The following RUNX1T1 variants were observed in gnomAD, a reference collection of about 807,000 sequenced individuals.
The protein encoded by RUNX1T1 is protein CBFA2T1.
In RUNX1T1, 4 loss-of-function variants were observed where a neutral mutation model predicts 62.8. The observed-to-expected ratio is 0.06, with a 90% confidence interval of 0.03 to 0.15. The LOEUF is 0.15. Ranked by LOEUF, RUNX1T1 falls within the 10% of genes least tolerant of loss-of-function variation. The pLI, the probability that RUNX1T1 is intolerant of heterozygous loss-of-function variation, is 1.00. For missense variants in RUNX1T1, 508 were observed against 754.3 expected (o/e 0.67, Z 3.82); for synonymous variants, 291 against 286.0 (o/e 1.02, Z -0.18).
intron 10 of RUNX1T1, among the ~76,000 whole-genome samples, chr8:91,962,993 A>G (rs2130474202): frequency 6.6e-6 from 1 of 152,350 alleles, no homozygotes; most frequent in Admixed American, 6.5e-5. Context: ...AAACACACAG[A>G]CTAAACCAGG....
In RUNX1T1 at chr8:92,004,996, C is replaced by T; in HGVS notation, c.659+120G>A. 8.3e-6 allele frequency: 7 copies of T among 843,824 alleles called. No individual in the cohort carries two copies. In the South Asian group the frequency reaches 1.3e-4, roughly 16 times the overall value. 52.3% of individuals were successfully genotyped at this position (843,824 alleles called of 1,614,324 possible). ...CAGATTCTCAAGATGGCCACAATGG[C>T]TTATTGCTATTGTGCAAGAATGACA... is the stretch of plus-strand genomic sequence containing the variant. On this transcript the variant is annotated intron_variant, in intron 5 of 10. Coordinates refer to ENST00000396218, the Ensembl canonical transcript of RUNX1T1.
intron 1 of RUNX1T1, 62 bp from the exon 3 acceptor site, chr8:92,017,425 G>A (rs768248599): frequency 3.1e-6 from 5 of 1,612,120 alleles, no homozygotes; most frequent in Non-Finnish European, 4.2e-6. Context: ...TTTCAAGTGG[G>A]GTTTATCTTT....
chr8:92,001,728 A>G (rs1307465678), intron 5 of RUNX1T1, among the ~76,000 whole-genome samples: 2 of 152,268 alleles, frequency 1.3e-5, no homozygotes, highest in Non-Finnish European at 2.9e-5. Flanking sequence ...CCTAAACCAG[A>G]AAAGTAGCAT....
At chr8:92,013,581 G>A (rs1046778767) in intron 3 of RUNX1T1, among the ~76,000 whole-genome samples, 9 of 152,122 alleles carry the variant, frequency 5.9e-5, no homozygotes, top group Non-Finnish European at 1.0e-4. Flanking sequence ...TGAAAGAACT[G>A]CATATACGAT....
chr8:92,095,477 G>A lies in RUNX1T1; in HGVS notation c.-86+4103C>T, dbSNP rs1375168945. ...TGTCAGGATGGCACATTGTGTGTGA[G>A]TGAGTGTGTGAGCGCAGGAGGGAGA... is the stretch of plus-strand genomic sequence containing the variant. On this transcript the variant is annotated intron_variant, in intron 1 of 11. Transcript: ENST00000265814. 2.7e-5 allele frequency: 42 copies of A among 1,530,948 alleles called. 1 individual carries two copies. In the Middle Eastern group the frequency reaches 1.0e-3, roughly 37 times the overall value. The allele number at this position is 1,530,948 out of a possible 1,614,324, so 94.8% of individuals were successfully genotyped here.
intron 1 of RUNX1T1, among the ~76,000 whole-genome samples, chr8:92,090,168 G>A (rs895442057): frequency 2.7e-5 from 4 of 150,748 alleles, no homozygotes; most frequent in African/African-American, 4.9e-5. Context: ...TTAGTCAAGC[G>A]ACTGCACACA....
chr8:92,057,297 C>T (rs1339186030), intron 1 of RUNX1T1, among the ~76,000 whole-genome samples: 1 of 152,144 alleles, frequency 6.6e-6, no homozygotes, highest in Non-Finnish European at 1.5e-5. Context: ...CCACAACATA[C>T]CCAACCCCTC....
intron 5 of RUNX1T1, 59 bp downstream of exon 6, chr8:92,005,057 C>T (rs1820478199): frequency 7.1e-7 from 1 of 1,413,456 alleles, no homozygotes; most frequent in Non-Finnish European, 9.6e-7. Flanking sequence ...GAAATGTTTC[C>T]TCATGCCACA....
At chr8:92,012,127 A>T (rs1822065022) in intron 3 of RUNX1T1, among the ~76,000 whole-genome samples, 1 of 152,190 alleles carries the variant, frequency 6.6e-6, no homozygotes, top group Admixed American at 6.5e-5. Flanking sequence ...TCATACCCCC[A>T]CACTCAAAAC....
At chr8:92,035,926 C>T (rs1211926936) in intron 1 of RUNX1T1, among the ~76,000 whole-genome samples, 1 of 152,148 alleles carries the variant, frequency 6.6e-6, no homozygotes, top group Non-Finnish European at 1.5e-5. Flanking sequence ...TTGAATGACA[C>T]ATTTTTACAA....
At chr8:92,072,937 C>T (rs966260702) in intron 2 of RUNX1T1, among the ~76,000 whole-genome samples, 2 of 152,100 alleles carry the variant, frequency 1.3e-5, no homozygotes, top group Non-Finnish European at 1.5e-5. Context: ...GCTTTTGAAA[C>T]CCACACAATA....
intron 8 of RUNX1T1, among the ~76,000 whole-genome samples, chr8:91,981,616 C>T (rs1338173627): frequency 6.6e-6 from 1 of 151,316 alleles, no homozygotes; most frequent in Non-Finnish European, 1.5e-5. Flanking sequence ...GGGGTTTCAC[C>T]GTGTTAGCCA....
At chr8:91,971,112 G>A (rs886409539) in intron 9 of RUNX1T1, 3 of 356,756 alleles carry the variant, frequency 8.4e-6, no homozygotes, top group South Asian at 1.3e-4. Flanking sequence ...GGCAGTTCCA[G>A]CAGTCTAAAA....
intron 1 of RUNX1T1, among the ~76,000 whole-genome samples, chr8:92,093,784 C>G (rs972846707): frequency 1.3e-5 from 2 of 152,128 alleles, no homozygotes; most frequent in African/African-American, 4.8e-5. Context: ...GTAAATAACT[C>G]CAGGTAAAGG....
intron 1 of RUNX1T1, among the ~76,000 whole-genome samples, chr8:92,038,075 T>TTTATTTATTTATTTA (rs1238246261): frequency 6.6e-6 from 1 of 152,006 alleles, no homozygotes; most frequent in African/African-American, 2.4e-5. Context: ...TATTTATGTA[T>TTTATTTATTTATTTA]TCTGTGAGAC....
In RUNX1T1 at chr8:92,080,686, G is replaced by A. The variant is rs190118848; in HGVS notation, c.-85-4549C>T. On this transcript the variant is annotated intron_variant, in intron 1 of 11. Coordinates refer to the RUNX1T1 transcript ENST00000265814. Reference sequence around the variant, plus strand: ...GGCAGGGCTGCAAGAGCATGGCCATGTTTATTCAACAATGCCCATACCCAG... The same window carrying A: ...GGCAGGGCTGCAAGAGCATGGCCATATTTATTCAACAATGCCCATACCCAG... 1.2e-3 allele frequency among the ~76,000 whole-genome samples: 182 copies of A among 152,352 alleles called. 2 individuals are homozygous for A. The highest frequency in any genetic ancestry group is 4.1e-4 in the Non-Finnish European group (28 of 68,030).
At chr8:91,959,462 GTGT>G (rs1809958624) in exon 11 of RUNX1T1, 2 of 109,466 alleles carry the variant, frequency 1.8e-5, no homozygotes. Flanking sequence ...GTGTGTGTGT[GTGT>G]GTATATGTGC....
At chr8:92,060,522 AATATATATAT>A (rs61066655) in intron 1 of RUNX1T1, among the ~76,000 whole-genome samples, 8 of 76,312 alleles carry the variant, frequency 1.0e-4, no homozygotes, top group East Asian at 1.0e-3. Flanking sequence ...TCAACTACCA[AATATATATAT>A]ATATATATAT....
chr8:92,101,443 C>T (rs1053604003), upstream of RUNX1T1, among the ~76,000 whole-genome samples: 1 of 152,168 alleles, frequency 6.6e-6, no homozygotes, highest in African/African-American at 2.4e-5. Flanking sequence ...TTCTGCAGGA[C>T]CTCCTCCACG....
Sources: allele counts gnomAD v4.1 joint callset (sites outside exome capture counted in the v4.1 genomes callset), GRCh38; gene constraint gnomAD v4.1.1; transcripts MANE v1.5; gene names NCBI Gene and HGNC (gene_info 2026-07-23, HGNC 2026-07-21).